IMPG1: variants seen among roughly 807,000 people sequenced by gnomAD.
IMPG1 encodes interphotoreceptor matrix proteoglycan 1.
Under a neutral mutation model 92.0 loss-of-function variants are expected in IMPG1, and 85 were observed. The ratio of observed to expected loss-of-function variants is 0.92; its 90% CI spans 0.78 to 1.11. The LOEUF is 1.11. IMPG1 is among the 50% of genes least tolerant of loss of function. IMPG1 has a pLI of 0.00. For missense variants in IMPG1, 1,022 were observed against 956.0 expected, an observed-to-expected ratio of 1.07 and a Z score of -0.91; for synonymous variants, 367 against 334.1, an observed-to-expected ratio of 1.10 and a Z score of -1.08.
intron 12 of IMPG1, among the ~76,000 whole-genome samples, chr6:75,954,097 GAAT>G (rs1256622174): frequency 6.6e-6 from 1 of 152,108 alleles, no homozygotes; most frequent in Non-Finnish European, 1.5e-5. Flanking sequence ...CTTTATAGTA[GAAT>G]AATTTATAAT....
chr6:75,950,432 C>T, intron 13 of IMPG1, 130 bp downstream of exon 13: 1 of 772,178 alleles, frequency 1.3e-6, no homozygotes, highest in South Asian at 2.0e-5. Context: ...TGAATGTCTT[C>T]AGCAACAGCT....
chr6:76,069,053 CAG>C (rs1045198539), intron 1 of IMPG1, among the ~76,000 whole-genome samples: 2 of 151,926 alleles, frequency 1.3e-5, no homozygotes, highest in African/African-American at 4.8e-5. Flanking sequence ...TAGAATGGAA[CAG>C]AGTAGAGAAC....
chr6:76,072,022 T>G (rs1784410125), intron 1 of IMPG1, among the ~76,000 whole-genome samples: 1 of 151,890 alleles, frequency 6.6e-6, no homozygotes, highest in Non-Finnish European at 1.5e-5. Context: ...AAATACTTAC[T>G]TTTTTTTGTC....
At chr6:75,959,260 C>T (rs191565367) in intron 12 of IMPG1, among the ~76,000 whole-genome samples, 108 of 152,174 alleles carry the variant, frequency 7.1e-4, no homozygotes, top group African/African-American at 2.6e-3. Flanking sequence ...AGAGAGGCAC[C>T]TTCCAGATGC....
chr6:75,949,038 A>G (rs1299238060), intron 13 of IMPG1, among the ~76,000 whole-genome samples: 2 of 152,216 alleles, frequency 1.3e-5, no homozygotes, highest in African/African-American at 2.4e-5. Flanking sequence ...CAAGTGAAAG[A>G]GAAATAAACT....
chr6:76,025,209 T>C lies in IMPG1; in HGVS notation c.547A>G (p.Ile183Val), dbSNP rs1323329348. Residue 183 changes from isoleucine (I) to valine (V), a missense_variant, in exon 5 of 17, where the codon ATT (isoleucine) becomes GTT (valine). This residue lies in a region of IMPG1 where 681 missense variants were observed against 583.6 expected (regional missense o/e 1.17). Transcript: ENST00000369950. Reference sequence around the variant, plus strand: ...CTAAGCTTACCTGTTGAAATGACAATGGTTTCACCAGGCTCTCCCAATGTC... The same window carrying C: ...CTAAGCTTACCTGTTGAAATGACAACGGTTTCACCAGGCTCTCCCAATGTC... ...EKTLGEPGET[I>V]VISTDVANVS... 1 of 1,599,382 alleles carries C rather than the reference T, an allele frequency of 6.3e-7. No individual in the cohort carries two copies.
At chr6:76,035,035 A>G (rs982413745) in intron 2 of IMPG1, among the ~76,000 whole-genome samples, 1 of 151,594 alleles carries the variant, frequency 6.6e-6, no homozygotes, top group Non-Finnish European at 1.5e-5. Flanking sequence ...TGTGTGTGCA[A>G]AACTGCAGTT....
intron 12 of IMPG1, among the ~76,000 whole-genome samples, chr6:75,964,295 AT>A: frequency 6.6e-6 from 1 of 152,346 alleles, no homozygotes; most frequent in East Asian, 1.9e-4. Context: ...TAGACAGTGC[AT>A]AACATTGTAA....
chr6:76,032,280 A>G (rs1367391181), intron 4 of IMPG1, among the ~76,000 whole-genome samples: 2 of 141,400 alleles, frequency 1.4e-5, no homozygotes, highest in Non-Finnish European at 3.0e-5. Flanking sequence ...TTTTTTTCTT[A>G]TGGATGGACC....
intron 12 of IMPG1, among the ~76,000 whole-genome samples, chr6:76,000,960 G>A (rs1460680054): frequency 6.6e-6 from 1 of 152,216 alleles, no homozygotes; most frequent in African/African-American, 2.4e-5. Context: ...TATAATAGAT[G>A]TAGAAAACTT....
chr6:75,975,313 A>G (rs918127754), intron 12 of IMPG1, among the ~76,000 whole-genome samples: 1 of 152,260 alleles, frequency 6.6e-6, no homozygotes, highest in Non-Finnish European at 1.5e-5. Flanking sequence ...ACATACCTGG[A>G]ACAAAGTCAG....
intron 4 of IMPG1, among the ~76,000 whole-genome samples, chr6:76,033,328 T>C (rs2149487595): frequency 6.6e-6 from 1 of 152,354 alleles, no homozygotes; most frequent in East Asian, 1.9e-4. Flanking sequence ...GGGATGCCAC[T>C]GATGCAGTTC....
At chr6:76,041,231 A>G (rs1250265263) in intron 2 of IMPG1, among the ~76,000 whole-genome samples, 2 of 152,112 alleles carry the variant, frequency 1.3e-5, no homozygotes, top group Non-Finnish European at 2.9e-5. Flanking sequence ...GCTGTGATTA[A>G]CTCCTTAATG....
chr6:76,041,980 C>T lies in IMPG1; in HGVS notation c.214G>A (p.Ala72Thr), dbSNP rs769499134. 1.9e-5 allele frequency: 30 copies of T among 1,613,776 alleles called. No individual in the cohort carries two copies. In the East Asian group the frequency reaches 2.0e-4, roughly 11 times the overall value. The change falls in exon 2 of 17, where the codon GCA becomes ACA. Residue 72 changes from alanine to threonine, a missense_variant. Physicochemically the swap from Ala to Thr is moderately conservative, Grantham distance 58. This residue lies in a region of IMPG1 where 681 missense variants were observed against 583.6 expected (regional missense o/e 1.17). Transcript: ENST00000369950. Reference protein sequence around the residue: ...DLAKHRTKRSAFFPTGVKVCP... With the variant: ...DLAKHRTKRSTFFPTGVKVCP... ...ACTTTAACCCCCGTTGGGAAAAATG[C>T]GGATCTTTTTGTTCGATGCTTTGCC...
intron 12 of IMPG1, among the ~76,000 whole-genome samples, chr6:75,993,892 C>T (rs1392929463): frequency 4.6e-5 from 7 of 152,196 alleles, no homozygotes; most frequent in African/African-American, 1.7e-4. Context: ...TTTGTCCTAA[C>T]TGTTTCAGTG....
chr6:75,946,860 T>A (rs761483900), intron 14 of IMPG1, among the ~76,000 whole-genome samples: 1 of 152,076 alleles, frequency 6.6e-6, no homozygotes. Context: ...ATGCTGTCTC[T>A]GATCCTGAAT....
chr6:76,029,113 C>T (rs1783608659), intron 4 of IMPG1, among the ~76,000 whole-genome samples: 1 of 152,192 alleles, frequency 6.6e-6, no homozygotes, highest in Non-Finnish European at 1.5e-5. Flanking sequence ...GGCCTAATAC[C>T]CTTGTCTATG....
intron 4 of IMPG1, among the ~76,000 whole-genome samples, chr6:76,025,669 G>C (rs561518022): frequency 1.3e-5 from 2 of 152,306 alleles, no homozygotes; most frequent in African/African-American, 4.8e-5. Flanking sequence ...TGCATATCCA[G>C]AGTCATTAAG....
chr6:75,989,128 G>A (rs1241692458), intron 12 of IMPG1, among the ~76,000 whole-genome samples: 4 of 151,904 alleles, frequency 2.6e-5, no homozygotes, highest in Admixed American at 6.6e-5. Flanking sequence ...TCACACTGTT[G>A]CCCAGGCTGG....
Sources: allele counts gnomAD v4.1 joint callset (sites outside exome capture counted in the v4.1 genomes callset), GRCh38; gene constraint gnomAD v4.1.1; regional missense constraint gnomAD v4.1.1; transcripts MANE v1.5; gene names NCBI Gene and HGNC (gene_info 2026-07-23, HGNC 2026-07-21).